The following HMCN1 variants were observed in gnomAD, a reference collection of about 807,000 sequenced individuals.
The protein encoded by HMCN1 is hemicentin-1.
HMCN1 carries 321 observed loss-of-function variants against 625.9 expected under a neutral mutation model. The observed-to-expected ratio is 0.51, with a 90% CI of 0.47 to 0.56. The LOEUF is 0.56. HMCN1 is among the 20% of genes least tolerant of loss of function. HMCN1 has a pLI of 0.00. For synonymous variants in HMCN1, 2,425 were observed against 2,417.6 expected (o/e 1.00, Z -0.09); for missense variants, 6,588 against 6,887.3 (o/e 0.96, Z 1.54).
intron 97 of HMCN1, among the ~76,000 whole-genome samples, chr1:186,159,374 A>G (rs1472430819): frequency 1.3e-5 from 2 of 152,188 alleles, no homozygotes; most frequent in African/African-American, 4.8e-5. Context: ...AACAGGGACA[A>G]TTTGACTTCC....
intron 97 of HMCN1, among the ~76,000 whole-genome samples, chr1:186,159,237 T>C (rs1651257965): frequency 6.6e-6 from 1 of 152,156 alleles, no homozygotes; most frequent in South Asian, 2.1e-4. Flanking sequence ...CTGTCTGTTA[T>C]TGGTGTGCTT....
chr1:186,007,749 C>T (rs1337943016), intron 30 of HMCN1, among the ~76,000 whole-genome samples: 3 of 152,060 alleles, frequency 2.0e-5, no homozygotes, highest in Non-Finnish European at 4.4e-5. Flanking sequence ...CTGTTTTCTC[C>T]CAGCTATGTC....
intron 1 of HMCN1, among the ~76,000 whole-genome samples, chr1:185,824,944 G>T (rs1485404523): frequency 6.6e-6 from 1 of 152,066 alleles, no homozygotes; most frequent in South Asian, 2.1e-4. Flanking sequence ...TGCGGCCAAA[G>T]ATAGAGAAAG....
In HMCN1 at chr1:186,055,715, C is replaced by A. The variant is rs779282301; in HGVS notation, c.7144+41C>A. 1.8e-5 allele frequency: 29 copies of A among 1,583,762 alleles called. No homozygotes were observed. The South Asian group carries it at 2.9e-4, about 16-fold the overall frequency. ...CTCAATATGTCCATTCACTGGCTAA[C>A]GTAATCTAGCATCCTGGATGGGAGA... On this transcript the variant is annotated intron_variant, in intron 45 of 106. Transcript: ENST00000271588.
intron 21 of HMCN1, 57 bp from the exon 22 acceptor site, chr1:185,990,218 A>G: frequency 6.8e-7 from 1 of 1,463,184 alleles, no homozygotes; most frequent in Non-Finnish European, 9.6e-7. Flanking sequence ...AGTGTAAATT[A>G]AACTGTGCTT....
chr1:185,975,014 G>A (rs1176542334), intron 15 of HMCN1, among the ~76,000 whole-genome samples: 1 of 152,118 alleles, frequency 6.6e-6, no homozygotes, highest in Non-Finnish European at 1.5e-5. Context: ...ATTCTTCCAA[G>A]CAGTTGGTTG....
intron 23 of HMCN1, among the ~76,000 whole-genome samples, chr1:185,994,146 T>A (rs1353662028): frequency 6.6e-6 from 1 of 152,180 alleles, no homozygotes; most frequent in Non-Finnish European, 1.5e-5. Context: ...TTGTGCTTTT[T>A]AAGGATGTAT....
At chr1:185,766,570 T>C (rs1161906980) in intron 1 of HMCN1, among the ~76,000 whole-genome samples, 2 of 152,052 alleles carry the variant, frequency 1.3e-5, no homozygotes, top group Non-Finnish European at 2.9e-5. Flanking sequence ...AATAAACAGA[T>C]CTTTGAGAAG....
rs765303383 is a variant in HMCN1 at position 185,990,343 on chromosome 1, G to T, written c.3277G>T (p.Ala1093Ser). Reference protein sequence around the residue: ...QDKPVEISVLAGEEVTLPCEV... With the variant: ...QDKPVEISVLSGEEVTLPCEV... ...TAAGCCTGTTGAGATCTCCGTCCTT[G>T]CAGGGGAAGAGGTAACACTTCCATG... The change falls in exon 22 of 107, where the codon GCA becomes TCA. Residue 1093 changes from alanine (A) to serine (S), a missense_variant. Ala to Ser is a moderately conservative substitution (Grantham distance 99). Coordinates refer to ENST00000271588, the MANE Select transcript of HMCN1 (RefSeq NM_031935.3). 1 of 1,613,728 alleles carries T rather than the reference G, an allele frequency of 6.2e-7. No homozygotes were observed. Among genetic ancestry groups the T allele is most frequent in the African/African-American group, 1.3e-5 (1 of 74,922 alleles).
chr1:186,186,014 G>T (rs1653280138), intron 105 of HMCN1, among the ~76,000 whole-genome samples: 1 of 152,194 alleles, frequency 6.6e-6, no homozygotes, highest in Non-Finnish European at 1.5e-5. Flanking sequence ...TGCAAAGGAT[G>T]TGAATTATGG....
At chr1:186,131,985 C>T (rs868095549) in intron 85 of HMCN1, among the ~76,000 whole-genome samples, 1 of 152,208 alleles carries the variant, frequency 6.6e-6, no homozygotes, top group Middle Eastern at 3.4e-3. Context: ...ATAAGTATAG[C>T]ATTAGTATTT....
chr1:185,853,339 A>C (rs759928515), intron 2 of HMCN1, among the ~76,000 whole-genome samples: 39 of 152,200 alleles, frequency 2.6e-4, no homozygotes, highest in Non-Finnish European at 4.9e-4. Context: ...TCTTGGTACT[A>C]AGTATGATAA....
At chr1:185,836,065 C>T (rs1661157829) in intron 1 of HMCN1, among the ~76,000 whole-genome samples, 1 of 152,134 alleles carries the variant, frequency 6.6e-6, no homozygotes, top group Admixed American at 6.6e-5. Flanking sequence ...ACTCGAAATA[C>T]TTAAAATATT....
At position 186,095,238 on chromosome 1, in the gene HMCN1, T is replaced by C. The variant is rs1222533630; in HGVS notation, c.10295-5T>C. 1 of 1,613,676 alleles carries C rather than the reference T, an allele frequency of 6.2e-7. No homozygotes were observed. Among genetic ancestry groups the C allele is most frequent in the South Asian group, 1.1e-5 (1 of 91,086 alleles). ...CAAATTTTGCCCATGTTGTTTTCTATGTAGCACCACCAAATATGGACAATT... is the reference window on the plus strand; with the variant it reads ...CAAATTTTGCCCATGTTGTTTTCTACGTAGCACCACCAAATATGGACAATT... On this transcript the variant is annotated splice_polypyrimidine_tract_variant and splice_region_variant and intron_variant, in intron 67 of 106. Coordinates refer to ENST00000271588, the MANE Select transcript of HMCN1 (RefSeq NM_031935.3).
chr1:186,104,928 C>T (rs564300574), intron 69 of HMCN1, among the ~76,000 whole-genome samples: 2 of 151,944 alleles, frequency 1.3e-5, no homozygotes, highest in Non-Finnish European at 2.9e-5. Flanking sequence ...TTAGGAATAG[C>T]ATGGAGACAG....
chr1:186,005,413 T>C (rs1653541411), intron 29 of HMCN1, among the ~76,000 whole-genome samples: 1 of 149,502 alleles, frequency 6.7e-6, no homozygotes, highest in Admixed American at 6.6e-5. Flanking sequence ...TGTTTATAAA[T>C]GTTTATAAAC....
At chr1:186,118,730 C>T (rs1423849414) in intron 77 of HMCN1, among the ~76,000 whole-genome samples, 2 of 152,124 alleles carry the variant, frequency 1.3e-5, no homozygotes, top group Non-Finnish European at 2.9e-5. Context: ...ACATTATGCT[C>T]ATAGTGAAAG....
intron 11 of HMCN1, among the ~76,000 whole-genome samples, chr1:185,945,166 AG>A (rs1668271828): frequency 6.6e-6 from 1 of 152,234 alleles, no homozygotes; most frequent in Non-Finnish European, 1.5e-5. Context: ...CTGCATCTGA[AG>A]AAAGGTGTGA....
At chr1:186,078,685 T>G (rs193263937) in intron 55 of HMCN1, among the ~76,000 whole-genome samples, 15 of 152,222 alleles carry the variant, frequency 9.9e-5, no homozygotes, top group African/African-American at 2.7e-4. Context: ...GTATTTACAA[T>G]TGAAGCCCTA....
Sources: allele counts gnomAD v4.1 joint callset (sites outside exome capture counted in the v4.1 genomes callset), GRCh38; gene constraint gnomAD v4.1.1; transcripts MANE v1.5; gene names NCBI Gene and HGNC (gene_info 2026-07-23, HGNC 2026-07-21).